Variants in HMBOX1 observed in about 807,000 individuals in gnomAD.
HMBOX1 encodes the protein homeobox-containing protein 1.
HMBOX1 carries 14 observed loss-of-function variants against 54.5 expected under a neutral mutation model. That is an observed-to-expected ratio of 0.26 (90% confidence interval 0.17 to 0.40). The LOEUF is 0.40. Among genes scored for constraint, HMBOX1 ranks in the 10% least tolerant of loss-of-function variants. The pLI, the probability that HMBOX1 is intolerant of heterozygous loss-of-function variation, is 1.00. For synonymous variants in HMBOX1, 160 were observed against 181.0 expected, an observed-to-expected ratio of 0.88 and a Z score of 0.93; for missense variants, 332 against 514.4, an observed-to-expected ratio of 0.65 and a Z score of 3.43.
intron 6 of HMBOX1, among the ~76,000 whole-genome samples, chr8:29,020,281 A>G (rs1332456731): frequency 6.6e-6 from 1 of 152,152 alleles, no homozygotes; most frequent in East Asian, 1.9e-4. Flanking sequence ...TAATTGTGCT[A>G]GTGACTTAGC....
Position 29,049,140 on chromosome 8 carries a change from GGGGA to G in HMBOX1, c.1125+96_1125+99del, listed in dbSNP as rs780856977. 5.6e-5 allele frequency: 82 copies of G among 1,469,560 alleles called. 1 individual carries two copies. The Middle Eastern group carries it at 7.0e-4, about 12-fold the overall frequency. The allele number at this position is 1,469,560 out of a possible 1,614,324, so 91.0% of individuals were successfully genotyped here. A position where few individuals can be genotyped will look rare whatever the true frequency, so the allele number is the denominator to read the frequency against. ...TTCCTTGGGTGTGGCTGATGGGGTG[GGGGA>G]GGGGAAACAGTCACTGTCCCTCCAC... On this transcript the variant is annotated intron_variant, in intron 9 of 9. Transcript: ENST00000287701.
chr8:28,988,803 T>A (rs549877472), intron 4 of HMBOX1, among the ~76,000 whole-genome samples: 4 of 152,222 alleles, frequency 2.6e-5, no homozygotes, highest in African/African-American at 9.6e-5. Flanking sequence ...TTATAAGAGC[T>A]TTTTGTTTAT....
Position 28,894,597 on chromosome 8 carries a change from C to T in HMBOX1, c.-58+3919C>T, listed in dbSNP as rs147093064. On this transcript the variant is annotated intron_variant, in intron 1 of 9. Coordinates refer to ENST00000287701, the MANE Select transcript of HMBOX1 (RefSeq NM_001135726.3). Reference sequence around the variant, plus strand: ...GGATTCCTAGGTGCAGCTATTCCCCCACATTGCCCTTACTGGATTTAGGGC... The same window carrying T: ...GGATTCCTAGGTGCAGCTATTCCCCTACATTGCCCTTACTGGATTTAGGGC... Among the ~76,000 whole-genome samples the T allele has an allele frequency of 7.7e-4, 117 of 152,286 alleles. 1 individual carries two copies. Among genetic ancestry groups the T allele is most frequent in the African/African-American group, 2.6e-3 (106 of 41,558 alleles).
intron 1 of HMBOX1, among the ~76,000 whole-genome samples, chr8:28,896,130 C>A (rs1216584115): frequency 6.6e-6 from 1 of 152,142 alleles, no homozygotes; most frequent in East Asian, 1.9e-4. Context: ...CTCAGCTTCC[C>A]CATCAATAGA....
intron 2 of HMBOX1, among the ~76,000 whole-genome samples, chr8:28,968,800 T>C (rs1018805073): frequency 6.6e-6 from 1 of 152,196 alleles, no homozygotes; most frequent in Non-Finnish European, 1.5e-5. Flanking sequence ...GCATTATATT[T>C]GGCACTAGAA....
chr8:28,990,578 G>C (rs535232956), intron 4 of HMBOX1, among the ~76,000 whole-genome samples: 1 of 152,188 alleles, frequency 6.6e-6, no homozygotes, highest in South Asian at 2.1e-4. Context: ...TCACATCTGT[G>C]TTCATGAGGG....
intron 5 of HMBOX1, among the ~76,000 whole-genome samples, chr8:29,018,344 G>T (rs1800646461): frequency 6.6e-6 from 1 of 152,050 alleles, no homozygotes; most frequent in Admixed American, 6.5e-5. Context: ...TGTTCAGGAG[G>T]TAACAGAATC....
rs981469411 is a variant in HMBOX1 at position 29,052,503 on chromosome 8, G to T, written c.*1348G>T. 6.6e-6 allele frequency: 1 copy of T among 151,958 alleles called. No individual in the cohort carries two copies. Among genetic ancestry groups the T allele is most frequent in the Non-Finnish European group, 1.5e-5 (1 of 67,984 alleles). 9.4% of individuals were successfully genotyped at this position (151,958 alleles called of 1,614,324 possible). Reference sequence around the variant, plus strand: ...CCTTGATCACATATGTAGCACTTTTGTTACTTTTTAAAGATATTTATATTT... The same window carrying T: ...CCTTGATCACATATGTAGCACTTTTTTTACTTTTTAAAGATATTTATATTT... On this transcript the variant is annotated 3_prime_UTR_variant, in exon 10 of 10. Transcript: ENST00000287701.
intron 5 of HMBOX1, among the ~76,000 whole-genome samples, chr8:29,018,339 A>G (rs1288930495): frequency 6.6e-6 from 1 of 152,184 alleles, no homozygotes; most frequent in African/African-American, 2.4e-5. Flanking sequence ...TATTATGTTC[A>G]GGAGGTAACA....
intron 3 of HMBOX1, among the ~76,000 whole-genome samples, chr8:28,976,786 A>C (rs1460910722): frequency 2.7e-5 from 4 of 146,848 alleles, no homozygotes; most frequent in Admixed American, 6.9e-5. Flanking sequence ...GGCTCACTGC[A>C]ACCTCCGCCT....
intron 4 of HMBOX1, among the ~76,000 whole-genome samples, chr8:28,997,910 A>G (rs1832104032): frequency 6.6e-6 from 1 of 152,154 alleles, no homozygotes. Context: ...ATACTGCTTC[A>G]TGGAATTGAG....
chr8:28,975,813 A>G (rs777207623), intron 3 of HMBOX1, among the ~76,000 whole-genome samples: 7 of 151,868 alleles, frequency 4.6e-5, no homozygotes, highest in Non-Finnish European at 7.4e-5. Context: ...AAAATTGCAG[A>G]TGAAGAGAGG....
intron 1 of HMBOX1, among the ~76,000 whole-genome samples, chr8:28,934,438 T>C (rs1285765250): frequency 2.0e-5 from 3 of 152,200 alleles, no homozygotes; most frequent in African/African-American, 4.8e-5. Context: ...CTACTGCTAT[T>C]CATAATATAC....
intron 1 of HMBOX1, among the ~76,000 whole-genome samples, chr8:28,912,640 C>T (rs769088986): frequency 1.2e-4 from 19 of 152,190 alleles, no homozygotes; most frequent in Non-Finnish European, 2.2e-4. Flanking sequence ...GCTTCTGCGG[C>T]TTCTTTGATA....
intron 4 of HMBOX1, among the ~76,000 whole-genome samples, chr8:28,987,701 G>C (rs1028321146): frequency 2.6e-5 from 4 of 152,132 alleles, no homozygotes; most frequent in Non-Finnish European, 4.4e-5. Context: ...TATATTTAGT[G>C]TTACTAAATC....
chr8:28,953,955 A>G (rs1278997369), intron 1 of HMBOX1, among the ~76,000 whole-genome samples: 3 of 152,230 alleles, frequency 2.0e-5, no homozygotes, highest in Non-Finnish European at 4.4e-5. Flanking sequence ...AAGGATTCAC[A>G]GGAAACTGGT....
chr8:28,923,698 G>A (rs1016460080), intron 1 of HMBOX1, among the ~76,000 whole-genome samples: 1 of 152,248 alleles, frequency 6.6e-6, no homozygotes, highest in South Asian at 2.1e-4. Flanking sequence ...TTACACAGTG[G>A]CTGTACCATT....
chr8:29,021,076 G>C (rs1431914473), intron 6 of HMBOX1, among the ~76,000 whole-genome samples: 1 of 152,198 alleles, frequency 6.6e-6, no homozygotes, highest in Non-Finnish European at 1.5e-5. Flanking sequence ...TCAGGAGGCT[G>C]ACATGAGAGG....
rs538870271 is a variant in HMBOX1, at chr8:28,978,715, A to T, written c.501-1356A>T. On this transcript the variant is annotated intron_variant, in intron 3 of 9. Transcript: ENST00000287701. ...AGCAGGAGAATTGCTTGCGCCCGGT[A>T]GGTGGAGCTTGCAGTGAGCCGAGAT... Among the ~76,000 whole-genome samples the T allele has an allele frequency of 8.1e-5, 11 of 136,042 alleles. No individual in the cohort carries two copies. In the South Asian group the frequency reaches 2.7e-3, roughly 34 times the overall value. The allele number at this position is 136,042 out of a possible 152,430, so 89.2% of individuals were successfully genotyped here. A position where few individuals can be genotyped will look rare whatever the true frequency, so the allele number is the denominator to read the frequency against.
Sources: allele counts gnomAD v4.1 joint callset (sites outside exome capture counted in the v4.1 genomes callset), GRCh38; gene constraint gnomAD v4.1.1; transcripts MANE v1.5; gene names NCBI Gene and HGNC (gene_info 2026-07-23, HGNC 2026-07-21).